The following JAK1 variants were observed in gnomAD, a reference collection of about 807,000 sequenced individuals.
JAK1 encodes the protein tyrosine-protein kinase JAK1.
Under a neutral mutation model 136.6 loss-of-function variants are expected in JAK1, and 16 were observed. That is an observed-to-expected ratio of 0.12 (90% confidence interval 0.08 to 0.18). The LOEUF is 0.18. Ranked by LOEUF, JAK1 falls within the 10% of genes least tolerant of loss-of-function variation. JAK1 has a pLI of 1.00. For synonymous variants in JAK1, 492 were observed against 519.5 expected (o/e 0.95, Z 0.72); for missense variants, 859 against 1,450.1 (o/e 0.59, Z 6.62).
chr1:64,917,763 G>C (rs1286446367), intron 1 of JAK1, among the ~76,000 whole-genome samples: 1 of 152,108 alleles, frequency 6.6e-6, no homozygotes, highest in African/African-American at 2.4e-5. Context: ...CATAAGCCAG[G>C]GTGGAGCAGC....
intron 2 of JAK1, among the ~76,000 whole-genome samples, chr1:64,982,377 ACACAGCAGCAGC>A (rs1393454965): frequency 6.6e-6 from 1 of 152,192 alleles, no homozygotes; most frequent in Non-Finnish European, 1.5e-5. Context: ...CCCCAACATC[ACACAGCAGCAGC>A]CACAGTCCGG....
chr1:64,923,370 A>G (rs533691069), intron 1 of JAK1, among the ~76,000 whole-genome samples: 4 of 152,354 alleles, frequency 2.6e-5, no homozygotes, highest in South Asian at 4.1e-4. Context: ...CACTGAGACC[A>G]CAAGTGATTA....
chr1:64,864,734 A>C lies in JAK1; in HGVS notation c.1176+53T>G. 23 of 1,351,996 alleles carry C rather than the reference A, an allele frequency of 1.7e-5. No homozygotes were observed. The South Asian group carries it at 2.9e-4, about 17-fold the overall frequency. The allele number at this position is 1,351,996 out of a possible 1,614,324, so 83.7% of individuals were successfully genotyped here. ...ATGTGCTGCAGAACGGAACTCAGCA[A>C]TTCTCCCTCTCATCACCAGATCCAG... On this transcript the variant is annotated intron_variant, in intron 8 of 24. Coordinates refer to ENST00000342505, the MANE Select transcript of JAK1 (RefSeq NM_002227.4).
chr1:64,867,952 T>C (rs550626090), intron 6 of JAK1, among the ~76,000 whole-genome samples: 25 of 152,006 alleles, frequency 1.6e-4, no homozygotes, highest in South Asian at 4.2e-4. Flanking sequence ...ATCATGCCAT[T>C]GTACTTCAGC....
chr1:65,040,474 T>C (rs977471137), intron 2 of JAK1, among the ~76,000 whole-genome samples: 3 of 152,138 alleles, frequency 2.0e-5, no homozygotes, highest in Admixed American at 1.3e-4. Flanking sequence ...TCCATAGTAA[T>C]CTCTCGACCT....
chr1:64,892,017 C>T (rs951041586), intron 1 of JAK1, among the ~76,000 whole-genome samples: 9 of 152,252 alleles, frequency 5.9e-5, no homozygotes, highest in Non-Finnish European at 1.5e-5. Context: ...AAAGTAAATA[C>T]AGTACTTTGC....
intron 1 of JAK1, among the ~76,000 whole-genome samples, chr1:65,056,637 ACGAGGC>A (rs1379611210): frequency 6.6e-6 from 1 of 152,164 alleles, no homozygotes; most frequent in African/African-American, 2.4e-5. Context: ...AAAAAGTCAC[ACGAGGC>A]CGGGTGCAGT....
intron 2 of JAK1, among the ~76,000 whole-genome samples, chr1:65,018,997 T>C (rs1220707291): frequency 6.6e-6 from 1 of 151,902 alleles, no homozygotes; most frequent in Non-Finnish European, 1.5e-5. Context: ...GGGGACAGAG[T>C]GAGATTCCGT....
At chr1:64,889,182 T>A (rs1227879813) in intron 1 of JAK1, among the ~76,000 whole-genome samples, 1 of 152,240 alleles carries the variant, frequency 6.6e-6, no homozygotes, top group African/African-American at 2.4e-5. Context: ...ACACTTTGGA[T>A]AATTCCAAGA....
At position 64,835,382 on chromosome 1, in the gene JAK1, T is replaced by A. The variant is rs1233021878; in HGVS notation, c.3369+14A>T. 7.2e-7 allele frequency: 1 copy of A among 1,380,028 alleles called. No individual in the cohort carries two copies. Among genetic ancestry groups the A allele is most frequent in the East Asian group, 2.3e-5 (1 of 43,248 alleles). The allele number at this position is 1,380,028 out of a possible 1,614,324, so 85.5% of individuals were successfully genotyped here. ...GAAATGGAGTGTTATTACTGTGACG[T>A]GGCCCATAGATACCTCATCTGGACA... On this transcript the variant is annotated intron_variant, in intron 24 of 24. Transcript: ENST00000342505.
chr1:64,932,418 ATAAT>A (rs1306453045), intron 1 of JAK1, among the ~76,000 whole-genome samples: 1 of 152,198 alleles, frequency 6.6e-6, no homozygotes, highest in African/African-American at 2.4e-5. Flanking sequence ...TCTCAAAAAA[ATAAT>A]TAAATAAATA....
intron 1 of JAK1, among the ~76,000 whole-genome samples, chr1:64,954,804 A>C (rs1014485843): frequency 2.0e-5 from 3 of 152,252 alleles, no homozygotes; most frequent in Non-Finnish European, 2.9e-5. Context: ...AGAAAACTGG[A>C]TAGCAACTAA....
At chr1:65,007,992 G>T (rs1557755491) in intron 2 of JAK1, among the ~76,000 whole-genome samples, 1 of 152,302 alleles carries the variant, frequency 6.6e-6, no homozygotes, top group East Asian at 1.9e-4. Context: ...TGATCCGCCT[G>T]CCTTGGCCTC....
intron 1 of JAK1, among the ~76,000 whole-genome samples, chr1:64,902,509 A>G (rs1645122070): frequency 6.6e-6 from 1 of 150,798 alleles, no homozygotes; most frequent in Middle Eastern, 3.4e-3. Context: ...CTGAGTATAT[A>G]ACATGAGCAC....
At chr1:64,892,955 G>A (rs370909867) in intron 1 of JAK1, among the ~76,000 whole-genome samples, 15 of 152,158 alleles carry the variant, frequency 9.9e-5, no homozygotes, top group East Asian at 7.8e-4. Flanking sequence ...ACATATACAC[G>A]GGAACCCCAG....
chr1:64,877,289 T>G (rs1644688224), intron 4 of JAK1, among the ~76,000 whole-genome samples: 1 of 152,216 alleles, frequency 6.6e-6, no homozygotes, highest in East Asian at 1.9e-4. Context: ...TCAAAATCTT[T>G]GTAGTTTGTC....
intron 2 of JAK1, among the ~76,000 whole-genome samples, chr1:65,023,657 G>C (rs1646954270): frequency 6.6e-6 from 1 of 152,084 alleles, no homozygotes; most frequent in Non-Finnish European, 1.5e-5. Context: ...CTAATTGTTT[G>C]TATTTTTAGT....
At chr1:64,849,734 T>C (rs897964796) in intron 12 of JAK1, among the ~76,000 whole-genome samples, 6 of 152,248 alleles carry the variant, frequency 3.9e-5, no homozygotes, top group Admixed American at 3.9e-4. Flanking sequence ...GGTGGTTACC[T>C]GCTTGGAGGC....
At chr1:64,845,439 A>C (rs1178609810) in intron 15 of JAK1, 74 bp downstream of exon 15, 5 of 1,569,238 alleles carry the variant, frequency 3.2e-6, no homozygotes, top group African/African-American at 1.3e-5. Flanking sequence ...CTTGGCTAGC[A>C]CCTCCTTCCT....
Sources: allele counts gnomAD v4.1 joint callset (sites outside exome capture counted in the v4.1 genomes callset), GRCh38; gene constraint gnomAD v4.1.1; transcripts MANE v1.5; gene names NCBI Gene and HGNC (gene_info 2026-07-23, HGNC 2026-07-21).